Variants in CDC42SE2 observed in about 807,000 individuals in gnomAD.
CDC42SE2 encodes CDC42 small effector protein 2.
In CDC42SE2, 3 loss-of-function variants were observed where a neutral mutation model predicts 11.5. That is an observed-to-expected ratio of 0.26 (90% CI 0.12 to 0.67). The LOEUF is 0.67. Among genes scored for constraint, CDC42SE2 ranks in the 30% least tolerant of loss-of-function variants. The pLI, the probability that CDC42SE2 is intolerant of heterozygous loss-of-function variation, is 0.80. For missense variants in CDC42SE2, 82 were observed against 106.8 expected (o/e 0.77, Z 1.02); for synonymous variants, 33 against 34.8 (o/e 0.95, Z 0.18).
intron 1 of CDC42SE2, among the ~76,000 whole-genome samples, chr5:131,304,640 C>G (rs899527871): frequency 6.6e-6 from 1 of 152,208 alleles, no homozygotes; most frequent in Non-Finnish European, 1.5e-5. Flanking sequence ...ATGTTGAAAT[C>G]CACCACATTT....
chr5:131,243,689 C>A (rs1756557911), upstream of CDC42SE2, among the ~76,000 whole-genome samples: 1 of 152,226 alleles, frequency 6.6e-6, no homozygotes, highest in South Asian at 2.1e-4. Context: ...AGAATTTGGT[C>A]ATTCCTAAAA....
chr5:131,282,670 C>T (rs995652096), intron 1 of CDC42SE2, among the ~76,000 whole-genome samples: 1 of 152,070 alleles, frequency 6.6e-6, no homozygotes, highest in Non-Finnish European at 1.5e-5. Context: ...GCTCTGTCAC[C>T]TAGGCTGGAG....
chr5:131,306,521 G>A (rs1323676562), intron 1 of CDC42SE2, among the ~76,000 whole-genome samples: 1 of 152,146 alleles, frequency 6.6e-6, no homozygotes, highest in Non-Finnish European at 1.5e-5. Context: ...TTGAAGCTAG[G>A]TAGTGTGATG....
chr5:131,314,903 T>G (rs557370539), intron 1 of CDC42SE2, among the ~76,000 whole-genome samples: 3 of 152,312 alleles, frequency 2.0e-5, no homozygotes, highest in African/African-American at 7.2e-5. Context: ...GGTGTTAAAT[T>G]TATAGGCAAT....
At chr5:131,271,469 A>G (rs1389764934) in intron 1 of CDC42SE2, among the ~76,000 whole-genome samples, 1 of 152,222 alleles carries the variant, frequency 6.6e-6, no homozygotes, top group Non-Finnish European at 1.5e-5. Flanking sequence ...TTAGGTATAC[A>G]TAGTCTAGAG....
At chr5:131,378,516 C>A (rs919708131) in intron 3 of CDC42SE2, among the ~76,000 whole-genome samples, 2 of 152,178 alleles carry the variant, frequency 1.3e-5, no homozygotes, top group African/African-American at 4.8e-5. Context: ...GGTTCCCAAA[C>A]TTCTCTTAAC....
chr5:131,260,500 G>A (rs1271654882), upstream of CDC42SE2, among the ~76,000 whole-genome samples: 1 of 151,394 alleles, frequency 6.6e-6, no homozygotes, highest in African/African-American at 2.4e-5. Context: ...GTGGGCGCCT[G>A]TAATCCCAGC....
At chr5:131,247,411 G>GT (rs1245005184) in intron 1 of CDC42SE2, among the ~76,000 whole-genome samples, 1 of 152,146 alleles carries the variant, frequency 6.6e-6, no homozygotes, top group Non-Finnish European at 1.5e-5. Context: ...GAGGTCAGGA[G>GT]TTCAAGACCA....
intron 2 of CDC42SE2, among the ~76,000 whole-genome samples, chr5:131,258,396 GT>G (rs1756695247): frequency 6.6e-6 from 1 of 151,892 alleles, no homozygotes; most frequent in Non-Finnish European, 1.5e-5. Context: ...GATGTTAGCT[GT>G]TTAAAAAAAA....
chr5:131,264,322 A>AGCCTGC lies in CDC42SE2; in HGVS notation c.-455+158_-455+163dup, dbSNP rs1484993055. Among the ~76,000 whole-genome samples the AGCCTGC allele has an allele frequency of 5.1e-4, 77 of 152,172 alleles. 1 individual carries two copies. Among genetic ancestry groups the AGCCTGC allele is most frequent in the Middle Eastern group, 3.4e-3 (1 of 294 alleles). On this transcript the variant is annotated intron_variant, in intron 1 of 4. Transcript: ENST00000505065. The stretch of plus-strand genomic sequence containing the variant: ...GCCGCGCGCTGCGGGCTGTGGGCTG[A>AGCCTGC]GCCTGCGTCTTCCATTTCAGGTTTG...
At chr5:131,348,219 A>G (rs997942148) in intron 2 of CDC42SE2, among the ~76,000 whole-genome samples, 2 of 152,222 alleles carry the variant, frequency 1.3e-5, no homozygotes, top group African/African-American at 4.8e-5. Context: ...CTGTTTGCAG[A>G]TGACATGATT....
At chr5:131,212,145 T>C in the CDC42SE2 span, among the ~76,000 whole-genome samples, 1 of 152,156 alleles carries the variant, frequency 6.6e-6, no homozygotes, top group Non-Finnish European at 1.5e-5. Flanking sequence ...TGTCACTCTG[T>C]CACCCAGGCT....
intron 3 of CDC42SE2, among the ~76,000 whole-genome samples, chr5:131,377,217 A>G (rs1172441951): frequency 1.4e-5 from 2 of 147,648 alleles, no homozygotes; most frequent in African/African-American, 5.1e-5. Flanking sequence ...TCTGTTGCCC[A>G]GGCTGGAGTG....
intron 2 of CDC42SE2, among the ~76,000 whole-genome samples, chr5:131,316,553 A>G (rs897641086): frequency 5.9e-5 from 9 of 152,328 alleles, no homozygotes; most frequent in East Asian, 5.8e-4. Flanking sequence ...GTTTTGTCCA[A>G]TGAGAGACAA....
intron 2 of CDC42SE2, among the ~76,000 whole-genome samples, chr5:131,330,421 T>A (rs1468938532): frequency 6.6e-6 from 1 of 152,188 alleles, no homozygotes; most frequent in African/African-American, 2.4e-5. Context: ...TTTAGGAGAA[T>A]GTCATTAGTT....
At chr5:131,265,148 G>T (rs1361307575) in intron 1 of CDC42SE2, among the ~76,000 whole-genome samples, 1 of 151,992 alleles carries the variant, frequency 6.6e-6, no homozygotes, top group Non-Finnish European at 1.5e-5. Context: ...TTTAGTTTTT[G>T]TCCCACATAA....
At chr5:131,363,823 GTAGCTGGGACTACAGGCAT>G (rs1210750351) in intron 3 of CDC42SE2, among the ~76,000 whole-genome samples, 1 of 151,198 alleles carries the variant, frequency 6.6e-6, no homozygotes, top group Non-Finnish European at 1.5e-5. Flanking sequence ...AGCCTCCCGA[GTAGCTGGGACTACAGGCAT>G]GTGCCACCAC....
the CDC42SE2 span, among the ~76,000 whole-genome samples, chr5:131,218,174 CAAAA>C: frequency 0.093 from 6,917 of 74,736 alleles, 390 homozygotes; most frequent in African/African-American, 0.2. Context: ...GACCCTGTCT[CAAAA>C]AAAAAAAAAA....
chr5:131,246,331 C>G (rs187275721), intron 1 of CDC42SE2, among the ~76,000 whole-genome samples: 5 of 152,062 alleles, frequency 3.3e-5, no homozygotes, highest in African/African-American at 1.2e-4. Flanking sequence ...TGGTGGGCAC[C>G]TGTAATCCCA....
Sources: allele counts gnomAD v4.1 joint callset (sites outside exome capture counted in the v4.1 genomes callset), GRCh38; gene constraint gnomAD v4.1.1; transcripts MANE v1.5; gene names NCBI Gene and HGNC (gene_info 2026-07-23, HGNC 2026-07-21).